Variants in RAB4A observed in about 807,000 individuals in gnomAD.
RAB4A encodes RAB4A, member RAS oncogene family.
Under a neutral mutation model 34.5 loss-of-function variants are expected in RAB4A, and 20 were observed. That is an observed-to-expected ratio of 0.58 (90% CI 0.41 to 0.84). The LOEUF (loss-of-function observed/expected upper bound fraction) is 0.84. Ranked by LOEUF, RAB4A falls within the 40% of genes least tolerant of loss-of-function variation. The probability of loss-of-function intolerance (pLI) is 0.00; values close to 1 mark genes in which losing one functional copy is unlikely to be tolerated. For synonymous variants in RAB4A, 102 were observed against 100.0 expected (o/e 1.02, Z -0.12); for missense variants, 228 against 274.5 (o/e 0.83, Z 1.20).
At chr1:229,302,309 A>ATTTTTTTTTTTTTTT (rs869095524) in intron 6 of RAB4A, among the ~76,000 whole-genome samples, 3 of 35,904 alleles carry the variant, frequency 8.4e-5, no homozygotes, top group South Asian at 1.6e-3. Flanking sequence ...ATATATATAT[A>ATTTTTTTTTTTTTTT]TTTTTTTTTT....
chr1:229,299,787 C>T (rs1571836292), intron 6 of RAB4A, among the ~76,000 whole-genome samples: 1 of 152,114 alleles, frequency 6.6e-6, no homozygotes, highest in Middle Eastern at 3.4e-3. Flanking sequence ...TCATGGGAGA[C>T]AGTCAGAGGA....
At position 229,302,994 on chromosome 1, in the gene RAB4A, G is replaced by A; in HGVS notation, c.*12+5G>A. ...GGTTGTTAGGAGAGCACACAGGTGG[G>A]TTTGGACACCTCCCTGCCCTGAGTT... On this transcript the variant is annotated splice_donor_5th_base_variant and intron_variant, in intron 7 of 7. Transcript: ENST00000366690. The A allele has an allele frequency of 6.3e-7, 1 of 1,593,656 alleles. No individual in the cohort carries two copies. Among genetic ancestry groups the A allele is most frequent in the Non-Finnish European group, 8.6e-7 (1 of 1,161,962 alleles).
At position 229,304,869 on chromosome 1, in the gene RAB4A, A is replaced by G. The variant is rs1276819417; in HGVS notation, c.*1076A>G. On this transcript the variant is annotated 3_prime_UTR_variant, in exon 8 of 8. Coordinates refer to ENST00000366690, the MANE Select transcript of RAB4A (RefSeq NM_004578.4). ...AATTCATATAAGGTATATTGGGTAT[A>G]TTGAAGTATATATTGTATTACAAAG... is the stretch of plus-strand genomic sequence containing the variant. The G allele has an allele frequency of 8.9e-6, 2 of 223,698 alleles. No homozygotes were observed. The highest frequency in any genetic ancestry group is 1.7e-5 in the Non-Finnish European group (2 of 115,850). The allele number at this position is 223,698 out of a possible 1,614,324, so 13.9% of individuals were successfully genotyped here.
At chr1:229,281,958 A>G (rs1191486217) in intron 1 of RAB4A, among the ~76,000 whole-genome samples, 1 of 151,862 alleles carries the variant, frequency 6.6e-6, no homozygotes, top group Non-Finnish European at 1.5e-5. Context: ...AAACAGTTAA[A>G]CATAATGAAG....
At chr1:229,281,240 G>C (rs61825325) in intron 1 of RAB4A, among the ~76,000 whole-genome samples, 2,342 of 150,868 alleles carry the variant, frequency 0.016, 25 homozygotes, top group Non-Finnish European at 0.025. Flanking sequence ...TTAAAATCTC[G>C]AGCTGTAATG....
At chr1:229,278,809 C>G (rs1656710986) in intron 1 of RAB4A, among the ~76,000 whole-genome samples, 1 of 152,210 alleles carries the variant, frequency 6.6e-6, no homozygotes, top group South Asian at 2.1e-4. Flanking sequence ...CTTCAACTGA[C>G]TGTAATTAGG....
intron 3 of RAB4A, among the ~76,000 whole-genome samples, chr1:229,293,528 C>T (rs1023057184): frequency 2.6e-4 from 39 of 152,272 alleles, no homozygotes; most frequent in African/African-American, 8.4e-4. Flanking sequence ...GGACGAAGAC[C>T]AAATATATAT....
At chr1:229,271,813 G>C (rs1297322837) in intron 1 of RAB4A, among the ~76,000 whole-genome samples, 1 of 152,180 alleles carries the variant, frequency 6.6e-6, no homozygotes, top group African/African-American at 2.4e-5. Flanking sequence ...TTCCTGGTTT[G>C]GAATTCCTTG....
rs1657420170 is a variant in RAB4A at position 229,302,290 on chromosome 1, TATATATATATATA to T, written c.542-571_542-559del. 4.5e-4 allele frequency among the ~76,000 whole-genome samples: 11 copies of T among 24,540 alleles called. 1 individual carries two copies. Among genetic ancestry groups the T allele is most frequent in the African/African-American group, 2.0e-3 (11 of 5,472 alleles). 16.1% of individuals were successfully genotyped at this position (24,540 alleles called of 152,430 possible). On this transcript the variant is annotated intron_variant, in intron 6 of 7. Transcript: ENST00000366690. ...ATATATATATATATATATATATATA[TATATATATATATA>T]TATATATTTTTTTTTTTTTTTTACA... is the stretch of plus-strand genomic sequence containing the variant.
At chr1:229,288,955 C>A in intron 3 of RAB4A, 112 bp downstream of exon 3, 1 of 687,682 alleles carries the variant, frequency 1.5e-6, no homozygotes, top group Non-Finnish European at 2.5e-6. Context: ...CCTTCCTTGT[C>A]CTAATCTCAG....
chr1:229,284,450 C>G (rs2102841248), intron 1 of RAB4A, among the ~76,000 whole-genome samples: 1 of 152,220 alleles, frequency 6.6e-6, no homozygotes, highest in Admixed American at 6.5e-5. Flanking sequence ...AAAAGTTCTT[C>G]TACTCCATTG....
chr1:229,288,525 C>A (rs763587474), intron 2 of RAB4A, among the ~76,000 whole-genome samples: 5 of 152,130 alleles, frequency 3.3e-5, no homozygotes, highest in Non-Finnish European at 7.4e-5. Context: ...TGAGAAAAAT[C>A]TTTATGTCTC....
At position 229,300,620 on chromosome 1, in the gene RAB4A, G is replaced by A. The variant is rs375798408; in HGVS notation, c.541+1548G>A. On this transcript the variant is annotated intron_variant, in intron 6 of 7. Coordinates refer to ENST00000366690, the MANE Select transcript of RAB4A (RefSeq NM_004578.4). ...CACTGGTGTCTCTAGACAGAGATGG[G>A]GTGGAGCCAGAGGAGAAGCAGGGAA... Among the ~76,000 whole-genome samples, 14 of 152,288 alleles carry A rather than the reference G, an allele frequency of 9.2e-5. No individual in the cohort carries two copies. In the East Asian group the frequency reaches 1.4e-3, roughly 15 times the overall value.
At chr1:229,279,376 G>T (rs1480202889) in intron 1 of RAB4A, among the ~76,000 whole-genome samples, 3 of 152,226 alleles carry the variant, frequency 2.0e-5, no homozygotes, top group Non-Finnish European at 4.4e-5. Flanking sequence ...CACAGAATGT[G>T]CTGTGCTATT....
rs764013458 is a variant in RAB4A at position 229,302,936 on chromosome 1, C to T, written c.616C>T (p.Arg206Trp). Residue 206 changes from arginine (R) to tryptophan (W), a missense_variant, in exon 7 of 8, where the codon CGG (arginine) becomes TGG (tryptophan). Coordinates refer to ENST00000366690, the MANE Select transcript of RAB4A (RefSeq NM_004578.4). ...TGCCTTGAGACAGCTGAGGTCACCGCGGCGCGCACAGGCCCCGAACGCTCA... is the reference window on the plus strand; with the variant it reads ...TGCCTTGAGACAGCTGAGGTCACCGTGGCGCGCACAGGCCCCGAACGCTCA... ...DAALRQLRSPRRAQAPNAQEC... is the reference protein window; with the variant it reads ...DAALRQLRSPWRAQAPNAQEC... The T allele has an allele frequency of 1.2e-5, 20 of 1,613,830 alleles. No homozygotes were observed. The highest frequency in any genetic ancestry group is 4.5e-5 in the East Asian group (2 of 44,888).
chr1:229,275,524 C>A (rs1353058852), intron 1 of RAB4A, among the ~76,000 whole-genome samples: 3 of 151,438 alleles, frequency 2.0e-5, no homozygotes, highest in Admixed American at 2.0e-4. Flanking sequence ...AGGCTTTGCT[C>A]ATCAAAATAC....
At chr1:229,295,746 T>G in intron 3 of RAB4A, 102 bp from the exon 4 acceptor site, 1 of 1,011,804 alleles carries the variant, frequency 9.9e-7, no homozygotes, top group Non-Finnish European at 1.6e-6. Context: ...TCTGTCCCTG[T>G]GTTGTGGTTT....
intron 1 of RAB4A, among the ~76,000 whole-genome samples, chr1:229,284,363 GCTGGGATTTACAGGC>G (rs2102841169): frequency 6.6e-6 from 1 of 151,964 alleles, no homozygotes; most frequent in South Asian, 2.1e-4. Context: ...CTCCCAAAGT[GCTGGGATTTACAGGC>G]ATGAGCCACC....
chr1:229,303,497 G>A (rs1238837973), intron 7 of RAB4A, among the ~76,000 whole-genome samples: 2 of 152,196 alleles, frequency 1.3e-5, no homozygotes, highest in Non-Finnish European at 2.9e-5. Context: ...TGGGAAGGGT[G>A]AGATATCCTG....
Sources: gnomAD v4.1 joint callset for allele counts (sites outside exome capture counted in the v4.1 genomes callset) on GRCh38, gnomAD v4.1.1 for gene constraint, MANE v1.5 for transcripts, NCBI Gene and HGNC (gene_info 2026-07-23, HGNC 2026-07-21) for gene names.